The following MARCHF1 variants were observed in gnomAD, a reference collection of about 807,000 sequenced individuals.
The protein encoded by MARCHF1 is membrane associated ring-CH-type finger 1, also known as E3 ubiquitin-protein ligase MARCHF1.
MARCHF1 carries 40 observed loss-of-function variants against 54.2 expected under a neutral mutation model. That is an observed-to-expected ratio of 0.74 (90% CI 0.57 to 0.96). MARCHF1 has a LOEUF of 0.96. Among genes scored for constraint, MARCHF1 ranks in the 40% least tolerant of loss-of-function variants. MARCHF1 has a pLI of 0.00. For missense variants in MARCHF1, 586 were observed against 656.5 expected (o/e 0.89, Z 1.17); for synonymous variants, 236 against 236.3 (o/e 1.00, Z 0.01).
At chr4:164,258,305 G>C (rs569876317) in intron 1 of MARCHF1, among the ~76,000 whole-genome samples, 7 of 151,876 alleles carry the variant, frequency 4.6e-5, no homozygotes, top group African/African-American at 2.4e-5. Flanking sequence ...TAGATGACTG[G>C]TTGATGGGTG....
At chr4:163,975,915 T>C (rs1030826369) in intron 3 of MARCHF1, among the ~76,000 whole-genome samples, 2 of 152,240 alleles carry the variant, frequency 1.3e-5, no homozygotes, top group Non-Finnish European at 2.9e-5. Flanking sequence ...TCAACTTGGA[T>C]TGGATAGAGT....
At chr4:163,678,696 G>A (rs1024453232) in intron 5 of MARCHF1, among the ~76,000 whole-genome samples, 1 of 152,086 alleles carries the variant, frequency 6.6e-6, no homozygotes, top group African/African-American at 2.4e-5. Flanking sequence ...GTGTCTCTTT[G>A]GGATTTACTT....
chr4:163,994,740 T>C (rs866880713), intron 2 of MARCHF1, among the ~76,000 whole-genome samples: 25 of 119,242 alleles, frequency 2.1e-4, no homozygotes, highest in African/African-American at 7.0e-4. Context: ...CAAGCACACA[T>C]ACACACACAC....
At chr4:163,982,706 T>C (rs1477404533) in intron 3 of MARCHF1, among the ~76,000 whole-genome samples, 2 of 152,206 alleles carry the variant, frequency 1.3e-5, no homozygotes, top group Non-Finnish European at 2.9e-5. Flanking sequence ...TTTCTCTCTC[T>C]ATGTTCTGCC....
intron 4 of MARCHF1, among the ~76,000 whole-genome samples, chr4:163,828,054 C>CACACACACACACACACACACAGAG (rs774603753): frequency 6.7e-6 from 1 of 148,204 alleles, no homozygotes; most frequent in East Asian, 2.0e-4. Context: ...CACACACACA[C>CACACACACACACACACACACAGAG]AGACACACCT....
intron 4 of MARCHF1, among the ~76,000 whole-genome samples, chr4:163,809,363 TC>T (rs1748320171): frequency 6.6e-6 from 1 of 152,178 alleles, no homozygotes; most frequent in South Asian, 2.1e-4. Context: ...TCTAATCCAC[TC>T]TGCTGTGACA....
intron 1 of MARCHF1, among the ~76,000 whole-genome samples, chr4:164,195,579 AGCTCTATGACTCCCTGACT>A (rs1298687230): frequency 2.6e-5 from 4 of 152,144 alleles, no homozygotes; most frequent in Admixed American, 2.6e-4. Context: ...CCCTCATTCT[AGCTCTATGACTCCCTGACT>A]TGTGCTTGGG....
chr4:163,943,667 A>G (rs1751962187), intron 3 of MARCHF1, among the ~76,000 whole-genome samples: 2 of 151,936 alleles, frequency 1.3e-5, no homozygotes, highest in Admixed American at 1.3e-4. Context: ...GTGACACAAT[A>G]ATCTGTAAAA....
At chr4:164,170,522 T>C (rs7698291) in intron 1 of MARCHF1, among the ~76,000 whole-genome samples, 28,747 of 152,020 alleles carry the variant, frequency 0.19, 4,366 homozygotes, top group African/African-American at 0.41. Context: ...TTAAATGAGA[T>C]AATATATGTG....
intron 1 of MARCHF1, among the ~76,000 whole-genome samples, chr4:164,217,494 A>T (rs984988116): frequency 1.3e-5 from 2 of 152,202 alleles, no homozygotes; most frequent in African/African-American, 4.8e-5. Flanking sequence ...ATGATTGAGG[A>T]TGGCCAATTA....
intron 5 of MARCHF1, among the ~76,000 whole-genome samples, chr4:163,690,284 T>C (rs1744407275): frequency 6.6e-6 from 1 of 152,172 alleles, no homozygotes. Flanking sequence ...AAAAGAGTCT[T>C]CTTGTTAAGA....
chr4:164,093,127 T>A (rs753760210), intron 2 of MARCHF1, among the ~76,000 whole-genome samples: 9 of 152,166 alleles, frequency 5.9e-5, no homozygotes, highest in Non-Finnish European at 8.8e-5. Context: ...TCCTTATTTA[T>A]CTGCTTATAT....
rs1167591559 is a variant in MARCHF1 at position 163,624,567 on chromosome 4, AG to A, written c.163-11175del. 3.3e-5 allele frequency among the ~76,000 whole-genome samples: 5 copies of A among 152,352 alleles called. No individual in the cohort carries two copies. The South Asian group carries it at 1.0e-3, about 32-fold the overall frequency. ...TCTGCTTCTGTGAGCACATAAACTC[AG>A]ACTAATCCTCAGACCACTAGAGGAT... On this transcript the variant is annotated intron_variant, in intron 5 of 9. Transcript: ENST00000514618.
chr4:163,864,943 A>G (rs1750017454), intron 3 of MARCHF1, among the ~76,000 whole-genome samples: 1 of 151,918 alleles, frequency 6.6e-6, no homozygotes, highest in Admixed American at 6.6e-5. Flanking sequence ...GGGAGACTGG[A>G]AGAAAAACAT....
intron 1 of MARCHF1, among the ~76,000 whole-genome samples, chr4:164,325,986 T>C (rs1735270671): frequency 6.6e-6 from 1 of 152,194 alleles, no homozygotes; most frequent in Admixed American, 6.5e-5. Flanking sequence ...CTATTGTACA[T>C]TTTTATGTCG....
intron 5 of MARCHF1, among the ~76,000 whole-genome samples, chr4:163,670,554 T>C (rs1743701630): frequency 2.0e-5 from 3 of 152,086 alleles, no homozygotes; most frequent in Admixed American, 6.6e-5. Flanking sequence ...TGTTTTTTTC[T>C]TTCTTGCTTG....
At chr4:164,030,431 A>G (rs1753854011) in intron 2 of MARCHF1, among the ~76,000 whole-genome samples, 1 of 152,220 alleles carries the variant, frequency 6.6e-6, no homozygotes, top group Non-Finnish European at 1.5e-5. Flanking sequence ...CTACTGTATA[A>G]TAACCTTAGA....
At chr4:164,176,451 G>A (rs1343867279) in intron 1 of MARCHF1, among the ~76,000 whole-genome samples, 1 of 151,520 alleles carries the variant, frequency 6.6e-6, no homozygotes, top group Non-Finnish European at 1.5e-5. Flanking sequence ...ATATCACAAG[G>A]GAAAAAAATA....
chr4:164,259,544 C>CAAAAAAAAAAA (rs141030578), intron 1 of MARCHF1, among the ~76,000 whole-genome samples: 10 of 58,950 alleles, frequency 1.7e-4, no homozygotes, highest in African/African-American at 2.2e-4. Context: ...GACCGTGTCT[C>CAAAAAAAAAAA]AAAAAAAAAA....
Sources: allele counts gnomAD v4.1 joint callset (sites outside exome capture counted in the v4.1 genomes callset), GRCh38; gene constraint gnomAD v4.1.1; transcripts MANE v1.5; gene names NCBI Gene and HGNC (gene_info 2026-07-23, HGNC 2026-07-21).